The following MEGF9 variants were observed in gnomAD, a reference collection of about 807,000 sequenced individuals.
MEGF9 encodes multiple EGF like domains 9.
A neutral mutation model predicts 46.8 loss-of-function variants in MEGF9; 6 were observed. That is an observed-to-expected ratio of 0.13 (90% CI 0.07 to 0.25). MEGF9 has a LOEUF of 0.25. Among genes scored for constraint, MEGF9 ranks in the 10% least tolerant of loss-of-function variants. The pLI is 1.00. For missense variants in MEGF9, 683 were observed against 792.4 expected (o/e 0.86, Z 1.66); for synonymous variants, 302 against 330.7 (o/e 0.91, Z 0.94).
chr9:120,673,372 A>G (rs1379155316), intron 1 of MEGF9, among the ~76,000 whole-genome samples: 1 of 152,172 alleles, frequency 6.6e-6, no homozygotes, highest in Non-Finnish European at 1.5e-5. Context: ...CTCAATAGCC[A>G]AATAACAACA....
At chr9:120,638,687 A>G (rs2043589547) in intron 2 of MEGF9, among the ~76,000 whole-genome samples, 1 of 152,224 alleles carries the variant, frequency 6.6e-6, no homozygotes, top group African/African-American at 2.4e-5. Context: ...CATTTTTGCC[A>G]ATCTGGCACC....
chr9:120,652,503 A>G (rs1202167175), intron 2 of MEGF9, among the ~76,000 whole-genome samples: 2 of 119,548 alleles, frequency 1.7e-5, no homozygotes, highest in Non-Finnish European at 3.7e-5. Context: ...AAAAAAAAAA[A>G]CAGAAACAAA....
intron 1 of MEGF9, among the ~76,000 whole-genome samples, chr9:120,697,996 T>C (rs1213969500): frequency 2.0e-5 from 3 of 152,206 alleles, no homozygotes; most frequent in African/African-American, 7.2e-5. Flanking sequence ...GGCACAGATT[T>C]GAGTCAGAGG....
chr9:120,683,226 A>G (rs2043806254), intron 1 of MEGF9, among the ~76,000 whole-genome samples: 1 of 152,194 alleles, frequency 6.6e-6, no homozygotes, highest in Non-Finnish European at 1.5e-5. Flanking sequence ...CCGACTGAAT[A>G]GAAATCTCTG....
intron 1 of MEGF9, among the ~76,000 whole-genome samples, chr9:120,705,627 A>T (rs183057814): frequency 6.6e-6 from 1 of 152,006 alleles, no homozygotes; most frequent in East Asian, 1.9e-4. Flanking sequence ...TATTAGAGAG[A>T]TTATTTTGAT....
intron 2 of MEGF9, among the ~76,000 whole-genome samples, chr9:120,652,590 G>GCA (rs141794570): frequency 0.022 from 2,930 of 134,080 alleles, 60 homozygotes; most frequent in African/African-American, 0.06. Context: ...GTGGACACAG[G>GCA]CACACACACA....
chr9:120,672,328 C>T (rs1374386926), intron 1 of MEGF9, among the ~76,000 whole-genome samples: 1 of 152,012 alleles, frequency 6.6e-6, no homozygotes, highest in Non-Finnish European at 1.5e-5. Flanking sequence ...AGTAGCTCGA[C>T]ACGTATAAAA....
intron 1 of MEGF9, among the ~76,000 whole-genome samples, chr9:120,709,424 C>CA (rs1483265423): frequency 3.4e-5 from 5 of 148,446 alleles, no homozygotes; most frequent in Non-Finnish European, 6.0e-5. Flanking sequence ...AAAAAAAAAA[C>CA]AAAAAACAAA....
intron 1 of MEGF9, among the ~76,000 whole-genome samples, chr9:120,668,383 T>G (rs765377037): frequency 6.6e-6 from 1 of 152,238 alleles, no homozygotes; most frequent in Non-Finnish European, 1.5e-5. Flanking sequence ...AAGCCACTAC[T>G]TTTAAAGAAA....
At chr9:120,675,266 G>A (rs556678479) in intron 1 of MEGF9, among the ~76,000 whole-genome samples, 45 of 152,166 alleles carry the variant, frequency 3.0e-4, no homozygotes, top group Non-Finnish European at 5.9e-4. Context: ...ATTTTTACAC[G>A]TCAGAATCTA....
Position 120,605,544 on chromosome 9 carries a change from G to A in MEGF9, c.1455C>T (p.Thr485=), listed in dbSNP as rs1038832935. Reference sequence around the variant, plus strand: ...AAAAGATAGTCTGCAGGGTTGTAGGGGTAAAAGTACTATTTATAACAGGGG... The same window carrying A: ...AAAAGATAGTCTGCAGGGTTGTAGGAGTAAAAGTACTATTTATAACAGGGG... ...VPTPVINSTF[T]PTTLQTIFSV... Residue 485 remains threonine, a synonymous_variant, in exon 6 of 6, where the codon ACC becomes ACT. Transcript: ENST00000373930. The surrounding 1 kb of genome is among the most constrained non-coding windows in gnomAD (Gnocchi z 4.0). The A allele has an allele frequency of 7.4e-6, 12 of 1,612,472 alleles. No individual in the cohort carries two copies. The African/African-American group carries it at 1.2e-4, about 16-fold the overall frequency.
chr9:120,625,851 A>G (rs1432804580), intron 2 of MEGF9, among the ~76,000 whole-genome samples: 1 of 149,044 alleles, frequency 6.7e-6, no homozygotes, highest in African/African-American at 2.5e-5. Flanking sequence ...AAAAAAAAAA[A>G]AAAAAGAAAG....
chr9:120,647,480 G>A (rs916063496), intron 2 of MEGF9, among the ~76,000 whole-genome samples: 1 of 152,060 alleles, frequency 6.6e-6, no homozygotes, highest in Non-Finnish European at 1.5e-5. Flanking sequence ...ATAAGATAAA[G>A]GCTAAAAGCA....
chr9:120,693,986 T>A (rs2043862749), intron 1 of MEGF9, among the ~76,000 whole-genome samples: 1 of 152,148 alleles, frequency 6.6e-6, no homozygotes, highest in Non-Finnish European at 1.5e-5. Flanking sequence ...ATGTACTTTT[T>A]CTTTTGGGTA....
intron 1 of MEGF9, among the ~76,000 whole-genome samples, chr9:120,672,473 A>AAAT (rs1564425061): frequency 0.011 from 1,502 of 142,054 alleles, 29 homozygotes; most frequent in African/African-American, 0.043. Flanking sequence ...AATAAATAAA[A>AAAT]AGCCAGGAAT....
intron 1 of MEGF9, among the ~76,000 whole-genome samples, chr9:120,667,344 A>G (rs180760645): frequency 1.3e-5 from 2 of 152,352 alleles, no homozygotes; most frequent in African/African-American, 4.8e-5. Context: ...AAGGAGTACA[A>G]TCTTTTCTTT....
rs551478660 is a variant in MEGF9 at position 120,616,571 on chromosome 9, C to T, written c.944-4032G>A. ...GTGGGTGCCTGTAGTCCCAGCTACT[C>T]GGGAGGCTGAGGCAGGAGAATGGCG... On this transcript the variant is annotated intron_variant, in intron 3 of 5. Coordinates refer to ENST00000373930, the MANE Select transcript of MEGF9 (RefSeq NM_001080497.3). Among the ~76,000 whole-genome samples the T allele has an allele frequency of 3.3e-5, 5 of 150,176 alleles. No individual in the cohort carries two copies. The East Asian group carries it at 1.0e-3, about 30-fold the overall frequency.
intron 1 of MEGF9, among the ~76,000 whole-genome samples, chr9:120,660,610 G>C (rs1013056826): frequency 6.6e-6 from 1 of 151,956 alleles, no homozygotes; most frequent in Non-Finnish European, 1.5e-5. Context: ...CAGTTCTTTG[G>C]ATAAAAATAT....
In MEGF9 at chr9:120,605,610, G is replaced by T; in HGVS notation, c.1389C>A (p.Thr463=). 2.5e-6 allele frequency: 4 copies of T among 1,589,142 alleles called. No individual in the cohort carries two copies. Among genetic ancestry groups the T allele is most frequent in the Non-Finnish European group, 3.4e-6 (4 of 1,166,264 alleles). Residue 463 remains threonine (T), a synonymous_variant, in exon 6 of 6, where the codon ACC becomes ACA. Coordinates refer to ENST00000373930, the MANE Select transcript of MEGF9 (RefSeq NM_001080497.3). The surrounding 1 kb of genome is among the most constrained non-coding windows in gnomAD (Gnocchi z 4.0). ...TCAAAGAGGCATTGGAAACCAAAAT[G>T]GTAGAACCTTCAGGTGTTGGAAGAA... ...EVILPTPEGS[T]ILVSNASLTT...
Sources: allele counts gnomAD v4.1 joint callset (sites outside exome capture counted in the v4.1 genomes callset), GRCh38; gene constraint gnomAD v4.1.1; non-coding constraint Gnocchi (gnomAD v3.1); transcripts MANE v1.5; gene names NCBI Gene and HGNC (gene_info 2026-07-23, HGNC 2026-07-21).